Variants in SEC11A observed in about 807,000 individuals in gnomAD.
The protein encoded by SEC11A is signal peptidase complex catalytic subunit SEC11A.
In SEC11A, 14 loss-of-function variants were observed where a neutral mutation model predicts 25.6. That is an observed-to-expected ratio of 0.55 (90% CI 0.36 to 0.85). The LOEUF (loss-of-function observed/expected upper bound fraction) is 0.85, where lower values mean the gene tolerates loss of function less well. Ranked by LOEUF, SEC11A falls within the 40% of genes least tolerant of loss-of-function variation. The pLI is 0.01. For synonymous variants in SEC11A, 83 were observed against 76.4 expected, an observed-to-expected ratio of 1.09 and a Z score of -0.45; for missense variants, 153 against 222.9, an observed-to-expected ratio of 0.69 and a Z score of 2.00.
intron 1 of SEC11A, among the ~76,000 whole-genome samples, chr15:84,694,907 T>C (rs988449872): frequency 6.7e-6 from 1 of 150,210 alleles, no homozygotes; most frequent in African/African-American, 2.5e-5. Context: ...CTGGCCAACA[T>C]GGTGAAACCC....
At chr15:84,688,501 T>C (rs1383924714) in intron 2 of SEC11A, among the ~76,000 whole-genome samples, 1 of 152,224 alleles carries the variant, frequency 6.6e-6, no homozygotes, top group Non-Finnish European at 1.5e-5. Context: ...TTTGCACTAA[T>C]TTATGAACCC....
At chr15:84,707,629 G>T (rs68032966) in intron 1 of SEC11A, among the ~76,000 whole-genome samples, 9,499 of 152,160 alleles carry the variant, frequency 0.062, 381 homozygotes, top group African/African-American at 0.088. Context: ...GGATTCTACA[G>T]CTCACTTTCT....
intron 4 of SEC11A, among the ~76,000 whole-genome samples, chr15:84,678,829 C>A (rs1034525243): frequency 3.9e-5 from 6 of 151,938 alleles, no homozygotes; most frequent in African/African-American, 9.7e-5. Flanking sequence ...CCCATCTCTA[C>A]TAAAAATACA....
At chr15:84,711,118 C>A (rs573884618) in intron 1 of SEC11A, among the ~76,000 whole-genome samples, 1 of 151,878 alleles carries the variant, frequency 6.6e-6, no homozygotes, top group East Asian at 1.9e-4. Context: ...GTGACTCACA[C>A]CTATATTCAA....
chr15:84,702,620 C>A (rs1032511688), intron 1 of SEC11A, among the ~76,000 whole-genome samples: 1 of 152,054 alleles, frequency 6.6e-6, no homozygotes, highest in African/African-American at 2.4e-5. Context: ...TATATTTATA[C>A]CAATATATTA....
chr15:84,671,664 A>G (rs1003244093), intron 4 of SEC11A: 2 of 152,204 alleles, frequency 1.3e-5, no homozygotes, highest in African/African-American at 4.8e-5. Flanking sequence ...CTCCCCTACC[A>G]AACTAGAAGC....
intron 1 of SEC11A, among the ~76,000 whole-genome samples, chr15:84,715,609 C>A (rs1334142444): frequency 6.6e-6 from 1 of 152,170 alleles, no homozygotes; most frequent in Non-Finnish European, 1.5e-5. Context: ...GGCCTCCAAT[C>A]GCCTTCCTGA....
intron 2 of SEC11A, 27 bp from the exon 3 acceptor site, chr15:84,687,801 C>A: frequency 1.3e-6 from 2 of 1,563,054 alleles, no homozygotes; most frequent in Admixed American, 2.2e-5. Context: ...AATATAACAG[C>A]AAAAAGAAAG....
chr15:84,672,734 G>A (rs1459945511), intron 4 of SEC11A: 7 of 185,822 alleles, frequency 3.8e-5, no homozygotes, highest in Non-Finnish European at 7.9e-5. Flanking sequence ...CATCGTCTGG[G>A]ATGTGAGGAG....
chr15:84,677,329 GT>G lies in SEC11A; in HGVS notation c.431+3383del, dbSNP rs1040795670. Among the ~76,000 whole-genome samples, 9 of 148,444 alleles carry G rather than the reference GT, an allele frequency of 6.1e-5. No individual in the cohort carries two copies. In the South Asian group the frequency reaches 6.4e-4, roughly 10 times the overall value. ...TGTGCTTCTGCTGTTCATGTCTTAG[GT>G]TTTTTTTTTCTACAGAAACTTCCTT... is the stretch of plus-strand genomic sequence containing the variant. On this transcript the variant is annotated intron_variant, in intron 4 of 5. Coordinates refer to ENST00000268220, the MANE Select transcript of SEC11A (RefSeq NM_014300.4).
At chr15:84,695,789 G>A (rs760577300) in intron 1 of SEC11A, among the ~76,000 whole-genome samples, 5 of 152,164 alleles carry the variant, frequency 3.3e-5, no homozygotes, top group Non-Finnish European at 5.9e-5. Context: ...AAGCGATCAA[G>A]TTTCATATTC....
chr15:84,706,538 G>A (rs1186204201), intron 1 of SEC11A, among the ~76,000 whole-genome samples: 3 of 152,174 alleles, frequency 2.0e-5, no homozygotes, highest in Non-Finnish European at 4.4e-5. Flanking sequence ...AGAAGGGTAG[G>A]TCACCCCATC....
intron 1 of SEC11A, among the ~76,000 whole-genome samples, chr15:84,704,901 C>A (rs930781446): frequency 3.4e-5 from 5 of 147,658 alleles, no homozygotes; most frequent in Non-Finnish European, 7.4e-5. Flanking sequence ...CTGTTTTCTG[C>A]ATATGCTACT....
At chr15:84,671,489 CTCTT>C (rs1229913855) in intron 4 of SEC11A, 2 of 152,320 alleles carry the variant, frequency 1.3e-5, no homozygotes, top group Admixed American at 6.5e-5. Flanking sequence ...TTTTCACTAG[CTCTT>C]TCTAATTCCT....
intron 1 of SEC11A, among the ~76,000 whole-genome samples, chr15:84,712,902 G>A (rs150796299): frequency 1.3e-5 from 2 of 151,992 alleles, no homozygotes; most frequent in East Asian, 1.9e-4. Flanking sequence ...ATCAGTATAC[G>A]TAAGTATAAA....
intron 2 of SEC11A, 40 bp from the exon 3 acceptor site, chr15:84,687,814 T>C: frequency 6.6e-7 from 1 of 1,519,392 alleles, no homozygotes; most frequent in Non-Finnish European, 8.9e-7. Context: ...AAAGAAAGTA[T>C]GAGATTAAAT....
At chr15:84,711,382 A>AAAAC (rs1055952095) in intron 1 of SEC11A, among the ~76,000 whole-genome samples, 10 of 152,174 alleles carry the variant, frequency 6.6e-5, no homozygotes, top group East Asian at 1.9e-4. Flanking sequence ...ACCCTGTCTC[A>AAAAC]AAACAAACAA....
chr15:84,683,189 C>T (rs1267477211), intron 3 of SEC11A, among the ~76,000 whole-genome samples: 2 of 152,236 alleles, frequency 1.3e-5, no homozygotes, highest in Middle Eastern at 3.4e-3. Context: ...CTAGGAGGGG[C>T]TCACTGCAAG....
At chr15:84,688,621 G>A (rs772966620) in intron 2 of SEC11A, among the ~76,000 whole-genome samples, 4 of 152,160 alleles carry the variant, frequency 2.6e-5, no homozygotes, top group East Asian at 1.9e-4. Flanking sequence ...AAAGTTCAAC[G>A]CAGGAATAAG....
Sources: allele counts gnomAD v4.1 joint callset (sites outside exome capture counted in the v4.1 genomes callset), GRCh38; gene constraint gnomAD v4.1.1; transcripts MANE v1.5; gene names NCBI Gene and HGNC (gene_info 2026-07-23, HGNC 2026-07-21).